The following MYOM1 variants were observed in gnomAD, a reference collection of about 807,000 sequenced individuals.
MYOM1 encodes the protein myomesin-1.
In MYOM1, 164 loss-of-function variants were observed where a neutral mutation model predicts 205.3. The observed-to-expected ratio is 0.80, with a 90% CI of 0.70 to 0.91. The LOEUF (loss-of-function observed/expected upper bound fraction) is 0.91, where lower values mean the gene tolerates loss of function less well. Ranked by LOEUF, MYOM1 falls within the 40% of genes least tolerant of loss-of-function variation. MYOM1 has a pLI of 0.00. For synonymous variants in MYOM1, 772 were observed against 789.4 expected (o/e 0.98, Z 0.37); for missense variants, 2,011 against 2,127.3 (o/e 0.95, Z 1.08).
intron 19 of MYOM1, among the ~76,000 whole-genome samples, chr18:3,124,730 A>G (rs2079754411): frequency 6.6e-6 from 1 of 152,206 alleles, no homozygotes; most frequent in African/African-American, 2.4e-5. Context: ...AGGTGAATTA[A>G]TGACAGAAAT....
intron 36 of MYOM1, among the ~76,000 whole-genome samples, chr18:3,073,279 T>G (rs2078982763): frequency 6.6e-6 from 1 of 152,166 alleles, no homozygotes; most frequent in Admixed American, 6.5e-5. Flanking sequence ...TCAGCCAAGC[T>G]ATATGCCCTG....
chr18:3,139,507 G>C (rs2080019471), intron 14 of MYOM1, among the ~76,000 whole-genome samples: 1 of 152,220 alleles, frequency 6.6e-6, no homozygotes, highest in Admixed American at 6.5e-5. Flanking sequence ...GCAGCATGCT[G>C]GGTGCAGGGC....
intron 14 of MYOM1, among the ~76,000 whole-genome samples, chr18:3,136,163 C>T (rs542066942): frequency 6.6e-6 from 1 of 152,084 alleles, no homozygotes; most frequent in South Asian, 2.1e-4. Context: ...CTTTCGCCTT[C>T]CACCATGATT....
At chr18:3,236,854 T>G in the MYOM1 span, among the ~76,000 whole-genome samples, 1 of 152,118 alleles carries the variant, frequency 6.6e-6, no homozygotes, top group Non-Finnish European at 1.5e-5. Flanking sequence ...CTACTCCATG[T>G]GATTAGCGAA....
chr18:3,168,299 CTT>C (rs35689716), intron 9 of MYOM1, among the ~76,000 whole-genome samples: 18 of 149,764 alleles, frequency 1.2e-4, no homozygotes, highest in Admixed American at 1.3e-4. Context: ...AATGAATATA[CTT>C]TTTTTTTTTT....
At chr18:3,184,632 A>G (rs2080784903) in intron 5 of MYOM1, among the ~76,000 whole-genome samples, 1 of 152,184 alleles carries the variant, frequency 6.6e-6, no homozygotes, top group African/African-American at 2.4e-5. Flanking sequence ...TGGCGAGATC[A>G]GAGCTCACTG....
intron 14 of MYOM1, among the ~76,000 whole-genome samples, chr18:3,137,155 T>A (rs1202714397): frequency 6.6e-6 from 1 of 152,110 alleles, no homozygotes; most frequent in African/African-American, 2.4e-5. Context: ...TTCACCGTGT[T>A]AGCCAGGATG....
Position 3,168,900 on chromosome 18 carries a change from C to G in MYOM1, c.1256G>C (p.Gly419Ala). 1 of 1,613,828 alleles carries G rather than the reference C, an allele frequency of 6.2e-7. No homozygotes were observed. ...ACGACAGCCTAGACTCATTGTCTCTCCCTCTCTCCCAAAAGACACATCAAA... is the reference window on the plus strand; with the variant it reads ...ACGACAGCCTAGACTCATTGTCTCTGCCTCTCTCCCAAAAGACACATCAAA... ...DKFDVSFGRE[G>A]ETMSLGCRVV... is the part of the protein sequence containing the mutation. Residue 419 changes from glycine to alanine, a missense_variant, in exon 9 of 38, where the codon GGA becomes GCA. Transcript: ENST00000356443.
intron 12 of MYOM1, among the ~76,000 whole-genome samples, chr18:3,151,400 G>A (rs1022372503): frequency 1.4e-5 from 2 of 147,282 alleles, no homozygotes. Flanking sequence ...CACAATGCCT[G>A]GAACTCAGTT....
rs1460180138 is a variant in MYOM1, at chr18:3,116,497, T to C, written c.3137A>G (p.Lys1046Arg). 6.3e-7 allele frequency: 1 copy of C among 1,587,764 alleles called. No individual in the cohort carries two copies. Among genetic ancestry groups the C allele is most frequent in the Non-Finnish European group, 8.6e-7 (1 of 1,165,114 alleles). The change falls in exon 21 of 38, where the codon AAG becomes AGG. Residue 1046 changes from lysine (K) to arginine (R), a missense_variant. Physicochemically the swap from Lys to Arg is conservative, Grantham distance 26 (BLOSUM62 2). Transcript: ENST00000356443. ...TGAGTCTTTCCTGACTTCACTACAC[T>C]TGAGACTGTGCGGTGGTCCTGAGAG... ...IAVPGPPHSL[K>R]CSEVRKDSLV...
intron 30 of MYOM1, 83 bp downstream of exon 30, chr18:3,085,955 G>A (rs530241604): frequency 1.3e-6 from 1 of 799,388 alleles, no homozygotes; most frequent in African/African-American, 1.7e-5. Flanking sequence ...GTCATGAAAG[G>A]AATACAGAAT....
intron 10 of MYOM1, among the ~76,000 whole-genome samples, chr18:3,157,771 A>G (rs2080323884): frequency 6.6e-6 from 1 of 151,162 alleles, no homozygotes; most frequent in East Asian, 1.9e-4. Flanking sequence ...GAAACAAAAC[A>G]TACTTGGGAT....
Position 3,138,032 on chromosome 18 carries a change from T to C in MYOM1, c.2026-2302A>G, listed in dbSNP as rs1349476679. On this transcript the variant is annotated intron_variant, in intron 14 of 37. Coordinates refer to ENST00000356443, the MANE Select transcript of MYOM1 (RefSeq NM_003803.4). The stretch of plus-strand genomic sequence containing the variant: ...TGGGAAAATTAATTTTTAATGAGAC[T>C]CTATTCTTAAAATTAAAATGATTTA... 2.6e-5 allele frequency among the ~76,000 whole-genome samples: 4 copies of C among 152,206 alleles called. No homozygotes were observed. The East Asian group carries it at 7.7e-4, about 29-fold the overall frequency.
intron 3 of MYOM1, among the ~76,000 whole-genome samples, chr18:3,191,450 T>C (rs2080904304): frequency 6.6e-6 from 1 of 152,234 alleles, no homozygotes. Context: ...TTAATATCTC[T>C]GCAGGGTTGT....
the MYOM1 span, among the ~76,000 whole-genome samples, chr18:3,244,294 C>T: frequency 6.6e-6 from 1 of 152,072 alleles, no homozygotes; most frequent in Admixed American, 6.6e-5. Flanking sequence ...ATTTAGTGGG[C>T]CTTGAGAGGT....
chr18:3,119,883 G>A lies in MYOM1; in HGVS notation c.3104C>T (p.Thr1035Ile). ...CTGTGGTTTACCTGGGACGGCGATG[G>A]TCCACTCTTCACATTTGAAGCATTC... The part of the protein sequence containing the change: ...VSECFKCEEW[T>I]IAVPGPPHSL... Residue 1035 changes from threonine (T) to isoleucine (I), a missense_variant, in exon 20 of 38, where the codon ACC becomes ATC. Transcript: ENST00000356443. 3.1e-6 allele frequency: 5 copies of A among 1,608,770 alleles called. No individual in the cohort carries two copies. Among genetic ancestry groups the A allele is most frequent in the Non-Finnish European group, 4.2e-6 (5 of 1,176,590 alleles).
intron 1 of MYOM1, among the ~76,000 whole-genome samples, chr18:3,216,505 T>G (rs2081269203): frequency 6.6e-6 from 1 of 152,218 alleles, no homozygotes; most frequent in Admixed American, 6.5e-5. Flanking sequence ...CAGTAACATC[T>G]GAGCATGAGA....
At chr18:3,095,575 T>C (rs139545381) in intron 25 of MYOM1, among the ~76,000 whole-genome samples, 76 of 152,196 alleles carry the variant, frequency 5.0e-4, no homozygotes, top group East Asian at 4.2e-3. Context: ...CTCAAATAAA[T>C]AAACAAACAA....
chr18:3,085,945 G>A (rs1457748561), intron 30 of MYOM1, 93 bp downstream of exon 30: 6 of 724,556 alleles, frequency 8.3e-6, no homozygotes, highest in Non-Finnish European at 1.4e-5. Context: ...AAATCCCCTG[G>A]TCATGAAAGG....
Sources: allele counts gnomAD v4.1 joint callset (sites outside exome capture counted in the v4.1 genomes callset), GRCh38; gene constraint gnomAD v4.1.1; transcripts MANE v1.5; gene names NCBI Gene and HGNC (gene_info 2026-07-23, HGNC 2026-07-21).